RAP1GDS1: variants seen among roughly 807,000 people sequenced by gnomAD.
RAP1GDS1 encodes Rap1 GTPase-GDP dissociation stimulator 1, also known as RAP1, GTP-GDP dissociation stimulator 1.
In RAP1GDS1, 35 loss-of-function variants were observed where a neutral mutation model predicts 71.1. The ratio of observed to expected loss-of-function variants is 0.49; its 90% CI spans 0.38 to 0.65. The LOEUF is 0.65. Ranked by LOEUF, RAP1GDS1 falls within the 30% of genes least tolerant of loss-of-function variation. The pLI is 0.00. For missense variants in RAP1GDS1, 663 were observed against 706.1 expected, an observed-to-expected ratio of 0.94 and a Z score of 0.69; for synonymous variants, 229 against 243.1, an observed-to-expected ratio of 0.94 and a Z score of 0.54.
At chr4:98,351,391 G>T (rs1374832560) in intron 3 of RAP1GDS1, among the ~76,000 whole-genome samples, 1 of 152,080 alleles carries the variant, frequency 6.6e-6, no homozygotes, top group Non-Finnish European at 1.5e-5. Context: ...GGTGACAGCT[G>T]ACAGAATAAC....
rs764446015 is a variant in RAP1GDS1, at chr4:98,421,216, G to C, written c.1301-39G>C. On this transcript the variant is annotated intron_variant, in intron 11 of 14. Transcript: ENST00000408927. ...TACGAATTATTTCAACTGATTGTCT[G>C]TTAGTGATTCATTCCTTGGTTTGCC... is the stretch of plus-strand genomic sequence containing the variant. The C allele has an allele frequency of 3.2e-6, 5 of 1,554,134 alleles. No individual in the cohort carries two copies. The East Asian group carries it at 1.1e-4, about 35-fold the overall frequency.
intron 3 of RAP1GDS1, among the ~76,000 whole-genome samples, chr4:98,350,566 G>A (rs911352123): frequency 2.6e-5 from 4 of 152,102 alleles, no homozygotes; most frequent in African/African-American, 4.8e-5. Flanking sequence ...TTGGCCGGGC[G>A]TGGTGGCTCA....
At chr4:98,439,925 G>A (rs1369763347) in intron 14 of RAP1GDS1, among the ~76,000 whole-genome samples, 1 of 152,092 alleles carries the variant, frequency 6.6e-6, no homozygotes, top group Non-Finnish European at 1.5e-5. Context: ...ATCATCACCA[G>A]CATCCATCTC....
rs1008709041 is a variant in RAP1GDS1 at position 98,442,303 on chromosome 4, C to T, written c.*186C>T. On this transcript the variant is annotated 3_prime_UTR_variant, in exon 15 of 15. Coordinates refer to ENST00000408927, the MANE Select transcript of RAP1GDS1 (RefSeq NM_001100427.2). ...AAACCTATAGTTAGTGTGATCATGA[C>T]TTTGTCAAAGGCAAGTCTCCACCCA... 8 of 788,424 alleles carry T rather than the reference C, an allele frequency of 1.0e-5. No individual in the cohort carries two copies. The African/African-American group carries it at 1.2e-4, about 12-fold the overall frequency. 48.8% of individuals were successfully genotyped at this position (788,424 alleles called of 1,614,324 possible). A position where few individuals can be genotyped will look rare whatever the true frequency, so the allele number is the denominator to read the frequency against.
At chr4:98,272,002 A>G (rs570043560) in intron 1 of RAP1GDS1, among the ~76,000 whole-genome samples, 12 of 152,260 alleles carry the variant, frequency 7.9e-5, no homozygotes, top group African/African-American at 2.9e-4. Flanking sequence ...GGTTCAATAG[A>G]TGTGGGGTGG....
intron 3 of RAP1GDS1, among the ~76,000 whole-genome samples, chr4:98,347,467 C>T (rs1459342333): frequency 6.6e-6 from 1 of 152,094 alleles, no homozygotes; most frequent in Non-Finnish European, 1.5e-5. Context: ...AGAGCAGTAC[C>T]TATTCCTTAA....
rs199962118 is a variant in RAP1GDS1 at position 98,417,368 on chromosome 4, T to C, written c.909T>C (p.Asp303=). The stretch of plus-strand genomic sequence containing the variant: ...ACTATTCGTTTCATTTACCTCCAGA[T>C]GAATCCATGCAGAAGTTATTTGAAG... The part of the protein sequence containing the change: ...SDLMVLLLLG[D]ESMQKLFEGG... The change falls in exon 9 of 15, where the codon GAT becomes GAC. Residue 303 remains aspartate, a splice_region_variant and synonymous_variant. Transcript: ENST00000408927. 3.5e-3 allele frequency: 5,688 copies of C among 1,610,384 alleles called. 15 individuals carry two copies. Among genetic ancestry groups the C allele is most frequent in the Non-Finnish European group, 4.1e-3 (4,835 of 1,177,730 alleles).
At chr4:98,421,441 T>A in intron 12 of RAP1GDS1, 47 bp downstream of exon 12, 1 of 1,508,798 alleles carries the variant, frequency 6.6e-7, no homozygotes, top group Non-Finnish European at 8.9e-7. Context: ...AGAGTGTCTT[T>A]TTCAGAAACC....
intron 1 of RAP1GDS1, among the ~76,000 whole-genome samples, chr4:98,264,695 ATATAT>A (rs1489099299): frequency 3.3e-5 from 5 of 152,224 alleles, no homozygotes; most frequent in African/African-American, 1.2e-4. Context: ...AGACCTTTAC[ATATAT>A]TATAGATTCA....
At position 98,443,819 on chromosome 4, in the gene RAP1GDS1, C is replaced by G. The variant is rs1752148118; in HGVS notation, c.*1702C>G. ...GAAAGACATCTGTAATGTTGCATAT[C>G]TGTTCATATTAATAACTTAATAAAT... On this transcript the variant is annotated 3_prime_UTR_variant, in exon 15 of 15. Coordinates refer to ENST00000408927, the MANE Select transcript of RAP1GDS1 (RefSeq NM_001100427.2). 1 of 180,538 alleles carries G rather than the reference C, an allele frequency of 5.5e-6. No individual in the cohort carries two copies. The highest frequency in any genetic ancestry group is 9.1e-5 in the East Asian group (1 of 11,016). 11.2% of individuals were successfully genotyped at this position (180,538 alleles called of 1,614,324 possible).
intron 2 of RAP1GDS1, among the ~76,000 whole-genome samples, chr4:98,307,480 C>G (rs1358479708): frequency 6.6e-6 from 1 of 152,042 alleles, no homozygotes; most frequent in East Asian, 1.9e-4. Flanking sequence ...TTGAAAACTT[C>G]TCAATATTTT....
chr4:98,436,442 A>G (rs1751149095), intron 13 of RAP1GDS1, among the ~76,000 whole-genome samples: 1 of 152,202 alleles, frequency 6.6e-6, no homozygotes, highest in African/African-American at 2.4e-5. Context: ...AAGTTTTAGT[A>G]TAAGCTTGTA....
At chr4:98,417,256 T>A in intron 8 of RAP1GDS1, 111 bp from the exon 9 acceptor site, 2 of 1,038,080 alleles carry the variant, frequency 1.9e-6, no homozygotes, top group Non-Finnish European at 2.8e-6. Context: ...CCATTATGAA[T>A]GTAACAGTTT....
chr4:98,405,384 G>A (rs1381212694), intron 7 of RAP1GDS1, among the ~76,000 whole-genome samples: 1 of 152,088 alleles, frequency 6.6e-6, no homozygotes, highest in African/African-American at 2.4e-5. Context: ...AAGAACCAGT[G>A]AACTGGAAAA....
Position 98,261,512 on chromosome 4 carries a change from C to T in RAP1GDS1, c.-54C>T. On this transcript the variant is annotated 5_prime_UTR_variant, in exon 1 of 15. Coordinates refer to ENST00000408927, the MANE Select transcript of RAP1GDS1 (RefSeq NM_001100427.2). ...GAGGGAGGACACAGAGCCGCGCCGCCCGCACCACAGACCTTCGCCTCGCCC... is the reference window on the plus strand; with the variant it reads ...GAGGGAGGACACAGAGCCGCGCCGCTCGCACCACAGACCTTCGCCTCGCCC... The T allele has an allele frequency of 6.3e-7, 1 of 1,574,900 alleles. No individual in the cohort carries two copies. The highest frequency in any genetic ancestry group is 8.6e-7 in the Non-Finnish European group (1 of 1,156,650).
intron 7 of RAP1GDS1, among the ~76,000 whole-genome samples, chr4:98,411,165 C>A (rs1338516809): frequency 6.6e-6 from 1 of 152,194 alleles, no homozygotes; most frequent in Non-Finnish European, 1.5e-5. Context: ...AGATACTTGT[C>A]CTTGGACAGA....
intron 2 of RAP1GDS1, among the ~76,000 whole-genome samples, chr4:98,324,088 C>T (rs1368593878): frequency 6.6e-6 from 1 of 151,056 alleles, no homozygotes; most frequent in Non-Finnish European, 1.5e-5. Context: ...GATACAAAAT[C>T]AATGTACAAA....
chr4:98,418,756 C>T lies in RAP1GDS1; in HGVS notation c.1139C>T (p.Ala380Val), dbSNP rs1222648390. Reference protein sequence around the residue: ...VEDGNVTVQHAALSALRNLAI... With the variant: ...VEDGNVTVQHVALSALRNLAI... ...GATGGAAATGTAACAGTACAGCATG[C>T]AGCACTAAGTGCCCTCAGAAACCTG... Residue 380 changes from alanine to valine, a missense_variant, in exon 10 of 15, where the codon GCA becomes GTA. By Grantham distance (64) the Ala-to-Val change is moderately conservative (BLOSUM62 0). Transcript: ENST00000408927. 1.2e-6 allele frequency: 2 copies of T among 1,604,384 alleles called. No homozygotes were observed. Among genetic ancestry groups the T allele is most frequent in the Admixed American group, 1.7e-5 (1 of 58,672 alleles).
At chr4:98,355,741 G>A (rs1266956342) in intron 4 of RAP1GDS1, among the ~76,000 whole-genome samples, 1 of 152,134 alleles carries the variant, frequency 6.6e-6, no homozygotes, top group Admixed American at 6.5e-5. Context: ...TCAGATTTCA[G>A]TTTTACCAGC....
Sources: allele counts gnomAD v4.1 joint callset (sites outside exome capture counted in the v4.1 genomes callset), GRCh38; gene constraint gnomAD v4.1.1; transcripts MANE v1.5; gene names NCBI Gene and HGNC (gene_info 2026-07-23, HGNC 2026-07-21).